Variants in SPAG16 observed in about 807,000 individuals in gnomAD.
SPAG16 encodes sperm-associated antigen 16 protein.
A neutral mutation model predicts 80.4 loss-of-function variants in SPAG16; 86 were observed. The ratio of observed to expected loss-of-function variants is 1.07; its 90% CI spans 0.90 to 1.28. SPAG16 has a LOEUF of 1.28. Among genes scored for constraint, SPAG16 ranks in the 50% most tolerant of loss-of-function variants. SPAG16 has a pLI of 0.00. For missense variants in SPAG16, 870 were observed against 765.3 expected (o/e 1.14, Z -1.61); for synonymous variants, 294 against 265.9 (o/e 1.11, Z -1.03).
chr2:213,715,654 A>G (rs2066210644), intron 10 of SPAG16, among the ~76,000 whole-genome samples: 2 of 152,268 alleles, frequency 1.3e-5, no homozygotes, highest in South Asian at 4.1e-4. Context: ...TATAGATCTC[A>G]ATTAATGCTA....
intron 10 of SPAG16, among the ~76,000 whole-genome samples, chr2:213,815,541 T>C (rs576998604): frequency 6.6e-6 from 1 of 152,124 alleles, no homozygotes; most frequent in Non-Finnish European, 1.5e-5. Flanking sequence ...GTGGAAATTT[T>C]ATACAATTAG....
chr2:214,094,382 G>A (rs1282013437), intron 13 of SPAG16, among the ~76,000 whole-genome samples: 1 of 152,050 alleles, frequency 6.6e-6, no homozygotes, highest in Non-Finnish European at 1.5e-5. Flanking sequence ...GTACATGTTA[G>A]AATCACATGG....
intron 5 of SPAG16, among the ~76,000 whole-genome samples, chr2:213,337,280 A>G (rs192757823): frequency 7.8e-4 from 119 of 152,360 alleles, no homozygotes; most frequent in African/African-American, 2.7e-3. Flanking sequence ...CAACACAAAA[A>G]TCCTGAAAAC....
intron 12 of SPAG16, among the ~76,000 whole-genome samples, chr2:213,932,605 C>T (rs895344587): frequency 6.6e-6 from 1 of 152,156 alleles, no homozygotes; most frequent in African/African-American, 2.4e-5. Flanking sequence ...TCACACCCGT[C>T]CTTTCCTTCA....
chr2:214,034,455 T>C (rs1357047303), intron 13 of SPAG16, among the ~76,000 whole-genome samples: 1 of 152,246 alleles, frequency 6.6e-6, no homozygotes, highest in Non-Finnish European at 1.5e-5. Flanking sequence ...TGAGTTTTGC[T>C]TGGGCCTGCT....
At chr2:213,952,351 G>A (rs771099512) in intron 12 of SPAG16, among the ~76,000 whole-genome samples, 3 of 151,962 alleles carry the variant, frequency 2.0e-5, no homozygotes, top group Non-Finnish European at 4.4e-5. Context: ...CGTTTATAGA[G>A]ATTTTTGGTC....
chr2:213,960,341 C>T (rs2106348639), intron 12 of SPAG16, among the ~76,000 whole-genome samples: 1 of 151,850 alleles, frequency 6.6e-6, no homozygotes, highest in African/African-American at 2.4e-5. Flanking sequence ...TTTTAAAGTG[C>T]TTGTCTAGTA....
chr2:213,582,602 C>T (rs1255901990), intron 10 of SPAG16, among the ~76,000 whole-genome samples: 2 of 152,172 alleles, frequency 1.3e-5, no homozygotes, highest in East Asian at 3.9e-4. Flanking sequence ...ATTTTTTGTG[C>T]TAGAGAAATA....
chr2:214,303,012 T>C (rs377568029), intron 15 of SPAG16, among the ~76,000 whole-genome samples: 18 of 152,374 alleles, frequency 1.2e-4, no homozygotes, highest in African/African-American at 3.8e-4. Context: ...GACTGTGTCA[T>C]TACCCATTAT....
At chr2:213,903,436 T>C (rs2077302235) in intron 11 of SPAG16, among the ~76,000 whole-genome samples, 1 of 152,192 alleles carries the variant, frequency 6.6e-6, no homozygotes, top group Non-Finnish European at 1.5e-5. Context: ...GCTTGGAGCT[T>C]GCACCCTCTG....
Position 213,430,520 on chromosome 2 carries a change from G to C in SPAG16, c.942+55401G>C, listed in dbSNP as rs568167141. Among the ~76,000 whole-genome samples the C allele has an allele frequency of 2.6e-4, 39 of 152,096 alleles. 1 individual carries two copies. The South Asian group carries it at 8.1e-3, about 32-fold the overall frequency. On this transcript the variant is annotated intron_variant, in intron 9 of 15. Transcript: ENST00000331683. Reference sequence around the variant, plus strand: ...TTATTGTTAATGTATTTTATTTATAGCTCCTGACAATTATTCTTCTTCCAA... The same window carrying C: ...TTATTGTTAATGTATTTTATTTATACCTCCTGACAATTATTCTTCTTCCAA...
intron 10 of SPAG16, among the ~76,000 whole-genome samples, chr2:213,667,452 A>G (rs1157518564): frequency 6.6e-6 from 1 of 152,200 alleles, no homozygotes; most frequent in East Asian, 1.9e-4. Flanking sequence ...TGACAGAGGT[A>G]AACTAAGTGA....
chr2:214,365,521 AAGAGAAT>A (rs1699424285), intron 15 of SPAG16, among the ~76,000 whole-genome samples: 1 of 152,168 alleles, frequency 6.6e-6, no homozygotes, highest in African/African-American at 2.4e-5. Context: ...TTTTAAATAG[AAGAGAAT>A]GCATGCTTCA....
chr2:214,091,690 T>C (rs2052220844), intron 13 of SPAG16, among the ~76,000 whole-genome samples: 1 of 152,158 alleles, frequency 6.6e-6, no homozygotes, highest in African/African-American at 2.4e-5. Flanking sequence ...TTGGATATTC[T>C]CTCTTGTTTT....
intron 14 of SPAG16, among the ~76,000 whole-genome samples, chr2:214,126,974 G>GT (rs984378088): frequency 1.3e-5 from 2 of 151,750 alleles, no homozygotes; most frequent in Non-Finnish European, 2.9e-5. Flanking sequence ...TAAGTTCTCT[G>GT]TAAGTGTTTG....
chr2:213,987,636 G>A (rs1041037388), intron 12 of SPAG16, among the ~76,000 whole-genome samples: 20 of 151,734 alleles, frequency 1.3e-4, no homozygotes, highest in African/African-American at 4.4e-4. Flanking sequence ...TGTCCACTTG[G>A]CCGATATTTA....
At chr2:213,735,196 A>C (rs996983769) in intron 10 of SPAG16, among the ~76,000 whole-genome samples, 1 of 152,152 alleles carries the variant, frequency 6.6e-6, no homozygotes, top group African/African-American at 2.4e-5. Context: ...TAAATCACCA[A>C]ACTAAATATG....
chr2:213,433,905 T>G (rs2070454284), intron 9 of SPAG16, among the ~76,000 whole-genome samples: 1 of 144,638 alleles, frequency 6.9e-6, no homozygotes, highest in South Asian at 2.2e-4. Flanking sequence ...CTTTTTTCCT[T>G]TTTCTTTGTC....
At chr2:213,632,441 C>T (rs2062191862) in intron 10 of SPAG16, among the ~76,000 whole-genome samples, 1 of 152,126 alleles carries the variant, frequency 6.6e-6, no homozygotes, top group African/African-American at 2.4e-5. Flanking sequence ...TTCTTCCTTT[C>T]CAACTTGGAT....
Sources: allele counts gnomAD v4.1 joint callset (sites outside exome capture counted in the v4.1 genomes callset), GRCh38; gene constraint gnomAD v4.1.1; transcripts MANE v1.5; gene names NCBI Gene and HGNC (gene_info 2026-07-23, HGNC 2026-07-21).